Variants in MYO9A observed in about 807,000 individuals in gnomAD.
MYO9A encodes the protein myosin IXA.
Under a neutral mutation model 293.3 loss-of-function variants are expected in MYO9A, and 103 were observed. The ratio of observed to expected loss-of-function variants is 0.35; its 90% CI spans 0.30 to 0.41. The LOEUF is 0.41. MYO9A is among the 10% of genes least tolerant of loss of function. The probability of loss-of-function intolerance (pLI) is 1.00; values close to 1 mark genes in which losing one functional copy is unlikely to be tolerated. For synonymous variants in MYO9A, 1,001 were observed against 1,035.7 expected (o/e 0.97, Z 0.64); for missense variants, 2,685 against 3,033.0 (o/e 0.89, Z 2.69).
intron 9 of MYO9A, among the ~76,000 whole-genome samples, chr15:71,996,042 T>A (rs892975796): frequency 1.3e-5 from 2 of 152,182 alleles, no homozygotes; most frequent in Admixed American, 6.5e-5. Context: ...ATTTTTAATG[T>A]GCAAATGGTT....
chr15:72,044,360 C>T (rs1177816418), intron 2 of MYO9A, among the ~76,000 whole-genome samples: 6 of 151,098 alleles, frequency 4.0e-5, no homozygotes, highest in East Asian at 1.9e-4. Flanking sequence ...GAGCCGAGAC[C>T]GCACCATTGC....
rs1359960779 is a variant in MYO9A, at chr15:71,959,982, G to A, written c.2101C>T (p.Arg701Ter). ...AAAAAAGCTCGGAGAATTGCCCATC[G>A]GAAAACAGCTACAGGATCAATTCCA... is the stretch of plus-strand genomic sequence containing the variant. Reference protein sequence around the residue: ...MIGIDPVAVFRWAILRAFFRA... With the variant: ...MIGIDPVAVF Residue 701 changes from arginine to a stop codon, truncating the protein, a stop_gained, in exon 14 of 42, where the codon CGA (arginine) becomes TGA (stop). Transcript: ENST00000356056. LOFTEE classifies it high-confidence loss of function. 8 of 1,613,842 alleles carry A rather than the reference G, an allele frequency of 5.0e-6. No individual in the cohort carries two copies. Among genetic ancestry groups the A allele is most frequent in the Admixed American group, 1.7e-5 (1 of 59,974 alleles).
rs1471643287 is a variant in MYO9A at position 71,830,117 on chromosome 15, C to T, written c.7032G>A (p.Gln2344=). 1 of 1,614,002 alleles carries T rather than the reference C, an allele frequency of 6.2e-7. No individual in the cohort carries two copies. Among genetic ancestry groups the T allele is most frequent in the Admixed American group, 1.7e-5 (1 of 60,008 alleles). Residue 2344 remains glutamine (Q), a synonymous_variant, in exon 40 of 42, where the codon CAG becomes CAA. Transcript: ENST00000356056. ...TCCTCCTGGATACTCACTTCTCCTT[C>T]TGTAGGTTCTCAATCTGCTCAGTCA... ...RVLTEQIENL[Q]KEKEELTFEM...
intron 18 of MYO9A, among the ~76,000 whole-genome samples, chr15:71,918,533 G>A (rs1020771357): frequency 6.6e-6 from 1 of 151,868 alleles, no homozygotes. Context: ...CATGTAAAAA[G>A]GGCATTTGTG....
At chr15:72,023,722 A>G (rs1429467618) in intron 4 of MYO9A, among the ~76,000 whole-genome samples, 1 of 151,556 alleles carries the variant, frequency 6.6e-6, no homozygotes, top group East Asian at 1.9e-4. Context: ...AAGAAAAGAA[A>G]AAAAGGCTCC....
At chr15:72,100,454 C>G (rs1188527455) in intron 1 of MYO9A, among the ~76,000 whole-genome samples, 2 of 151,816 alleles carry the variant, frequency 1.3e-5, no homozygotes, top group Admixed American at 1.3e-4. Flanking sequence ...CTCTGCCTGG[C>G]TGCCCAGTCT....
chr15:72,118,178 G>C (rs967408641), upstream of MYO9A: 1 of 364,584 alleles, frequency 2.7e-6, no homozygotes, highest in Non-Finnish European at 4.9e-6. Context: ...CCTACTGCCA[G>C]CACGGGTCGG....
chr15:72,102,081 A>G (rs1212626015), intron 1 of MYO9A, among the ~76,000 whole-genome samples: 3 of 151,110 alleles, frequency 2.0e-5, no homozygotes, highest in Admixed American at 6.6e-5. Context: ...GAGAAATCGG[A>G]TGGTTGCCGT....
In MYO9A at chr15:72,019,046, G is replaced by C. The variant is rs764753049; in HGVS notation, c.1148C>G (p.Ser383Cys). 26 of 1,613,648 alleles carry C rather than the reference G, an allele frequency of 1.6e-5. No homozygotes were observed. Among genetic ancestry groups the C allele is most frequent in the Non-Finnish European group, 2.2e-5 (26 of 1,179,760 alleles). Reference protein sequence around the residue: ...RQSWDDYCYDSEPDCFTVEGE... With the variant: ...RQSWDDYCYDCEPDCFTVEGE... Reference sequence around the variant, plus strand: ...TTAGGTACTTGTACTGACCGGCTCAGAGTCATAGCAATAATCATCCCAGCT... The same window carrying C: ...TTAGGTACTTGTACTGACCGGCTCACAGTCATAGCAATAATCATCCCAGCT... Residue 383 changes from serine to cysteine, a missense_variant, in exon 6 of 42, where the codon TCT (serine) becomes TGT (cysteine). Transcript: ENST00000356056.
At chr15:71,866,521 C>T (rs1333790669) in intron 32 of MYO9A, among the ~76,000 whole-genome samples, 1 of 151,192 alleles carries the variant, frequency 6.6e-6, no homozygotes, top group Non-Finnish European at 1.5e-5. Flanking sequence ...GTATGTAACA[C>T]GAAGTTTTTT....
intron 39 of MYO9A, among the ~76,000 whole-genome samples, chr15:71,846,896 G>T (rs1015170859): frequency 3.9e-5 from 6 of 152,128 alleles, no homozygotes; most frequent in African/African-American, 1.4e-4. Context: ...ACTCCTATTT[G>T]TAGCTCTGTC....
Position 72,014,749 on chromosome 15 carries a change from G to GGAAAGAAA in MYO9A, c.1155+4282_1155+4289dup, listed in dbSNP as rs751941930. Among the ~76,000 whole-genome samples the GGAAAGAAA allele has an allele frequency of 2.9e-4, 42 of 143,292 alleles. 1 individual carries two copies. The highest frequency in any genetic ancestry group is 9.8e-4 in the African/African-American group (38 of 38,758). 94.0% of individuals were successfully genotyped at this position (143,292 alleles called of 152,430 possible). On this transcript the variant is annotated intron_variant, in intron 6 of 41. Coordinates refer to ENST00000356056, the MANE Select transcript of MYO9A (RefSeq NM_006901.4). ...GAGAAGAGAGAGAGAGAGAAAGAAAGGAAAGAAAGAAAGAAAGAAAGAGAA... is the reference window on the plus strand; with the variant it reads ...GAGAAGAGAGAGAGAGAGAAAGAAAGGAAAGAAAGAAAGAAAGAAAGAAAGAAAGAGAA...
At chr15:71,878,448 C>T (rs888853043) in intron 30 of MYO9A, among the ~76,000 whole-genome samples, 1 of 152,058 alleles carries the variant, frequency 6.6e-6, no homozygotes, top group African/African-American at 2.4e-5. Flanking sequence ...AGTAAAAAAC[C>T]TGACGGTAAT....
chr15:72,086,101 T>C (rs1489488077), intron 1 of MYO9A, among the ~76,000 whole-genome samples: 1 of 152,146 alleles, frequency 6.6e-6, no homozygotes, highest in Non-Finnish European at 1.5e-5. Flanking sequence ...GGCAGTGGGA[T>C]CTACCCTCAT....
chr15:72,046,778 T>C (rs2078397687), intron 1 of MYO9A, 144 bp from the exon 2 acceptor site: 1 of 442,094 alleles, frequency 2.3e-6, no homozygotes, highest in African/African-American at 2.0e-5. Context: ...AACAGTTTCA[T>C]TGAGACCACA....
At chr15:72,020,235 C>T (rs2077464852) in intron 5 of MYO9A, among the ~76,000 whole-genome samples, 1 of 152,076 alleles carries the variant, frequency 6.6e-6, no homozygotes, top group Non-Finnish European at 1.5e-5. Context: ...TTTAAATGAC[C>T]TATTGTTTTA....
chr15:72,116,588 C>T (rs2080987351), intron 1 of MYO9A, among the ~76,000 whole-genome samples: 1 of 152,042 alleles, frequency 6.6e-6, no homozygotes, highest in African/African-American at 2.4e-5. Flanking sequence ...TTAAGGAATG[C>T]TACAAATCTT....
intron 11 of MYO9A, among the ~76,000 whole-genome samples, chr15:71,981,632 C>G (rs1596318747): frequency 1.4e-5 from 2 of 143,550 alleles, no homozygotes; most frequent in East Asian, 4.3e-4. Context: ...ATATCCCTCT[C>G]TCTGTCTTGT....
intron 6 of MYO9A, among the ~76,000 whole-genome samples, chr15:72,015,271 A>C (rs1171359366): frequency 6.6e-6 from 1 of 152,176 alleles, no homozygotes; most frequent in African/African-American, 2.4e-5. Context: ...CGTGACCACA[A>C]ACTTACAAAC....
Sources: gnomAD v4.1 joint callset for allele counts (sites outside exome capture counted in the v4.1 genomes callset) on GRCh38, gnomAD v4.1.1 for gene constraint, MANE v1.5 for transcripts, NCBI Gene and HGNC (gene_info 2026-07-23, HGNC 2026-07-21) for gene names.